Variants in AOPEP observed in about 807,000 individuals in gnomAD.
AOPEP encodes aminopeptidase O.
In AOPEP, 77 loss-of-function variants were observed where a neutral mutation model predicts 98.1. The observed-to-expected ratio is 0.78, with a 90% confidence interval of 0.65 to 0.95. The LOEUF is 0.95. AOPEP is among the 40% of genes least tolerant of loss of function. The pLI, the probability that AOPEP is intolerant of heterozygous loss-of-function variation, is 0.00. For synonymous variants in AOPEP, 346 were observed against 365.3 expected (o/e 0.95, Z 0.60); for missense variants, 1,024 against 1,024.7 (o/e 1.00, Z 0.01).
At chr9:94,995,995 C>T (rs1198532203) in intron 11 of AOPEP, among the ~76,000 whole-genome samples, 1 of 151,308 alleles carries the variant, frequency 6.6e-6, no homozygotes, top group African/African-American at 2.4e-5. Context: ...AGTTCACATT[C>T]CCCGGCTCCC....
At chr9:95,019,496 C>T (rs2063289104) in intron 13 of AOPEP, 1 of 152,036 alleles carries the variant, frequency 6.6e-6, no homozygotes, top group Admixed American at 6.5e-5. Flanking sequence ...TTTGCAAATA[C>T]CCAGCTAATG....
chr9:94,913,300 T>C (rs548270643), intron 5 of AOPEP, among the ~76,000 whole-genome samples: 1 of 152,222 alleles, frequency 6.6e-6, no homozygotes. Context: ...GGAGAGACTT[T>C]GGAGAGACTT....
the AOPEP span, among the ~76,000 whole-genome samples, chr9:95,139,615 C>T: frequency 2.0e-5 from 3 of 151,940 alleles, no homozygotes; most frequent in East Asian, 1.9e-4. Flanking sequence ...ATTTAAGACA[C>T]GCTGGTTAAA....
At chr9:95,095,295 C>T in the AOPEP span, among the ~76,000 whole-genome samples, 4 of 152,168 alleles carry the variant, frequency 2.6e-5, no homozygotes, top group African/African-American at 4.8e-5. Context: ...CGCACTCTGT[C>T]ATCAGCATGG....
At chr9:94,934,301 C>T (rs1055574415) in intron 7 of AOPEP, among the ~76,000 whole-genome samples, 27 of 145,686 alleles carry the variant, frequency 1.9e-4, no homozygotes, top group African/African-American at 5.4e-5. Context: ...TGACTATGCT[C>T]ACACTTCTCC....
At chr9:94,959,833 T>G (rs1056147821) in intron 9 of AOPEP, among the ~76,000 whole-genome samples, 7 of 152,190 alleles carry the variant, frequency 4.6e-5, no homozygotes, top group African/African-American at 1.4e-4. Context: ...TATACAGACA[T>G]TGATGTCACT....
the AOPEP span, chr9:95,126,525 T>C: frequency 6.2e-7 from 1 of 1,613,784 alleles, no homozygotes; most frequent in Non-Finnish European, 8.5e-7. Context: ...AGTGTAACGT[T>C]TACCTGAACA....
the AOPEP span, chr9:95,099,833 A>G: frequency 2.6e-5 from 6 of 232,914 alleles, no homozygotes; most frequent in East Asian, 3.6e-4. Context: ...GCTAGGAAGA[A>G]GTCTTCCAGA....
chr9:95,004,268 T>A (rs3208472), intron 11 of AOPEP: 1 of 456,380 alleles, frequency 2.2e-6, no homozygotes, highest in Non-Finnish European at 4.4e-6. Flanking sequence ...AATCTTGGGG[T>A]ATCGCACATT....
intron 13 of AOPEP, among the ~76,000 whole-genome samples, chr9:95,034,309 A>C (rs1264502592): frequency 6.6e-6 from 1 of 152,238 alleles, no homozygotes. Flanking sequence ...GACAAGGGAA[A>C]ATAGACCCAG....
intron 13 of AOPEP, chr9:95,006,183 C>T (rs778206070): frequency 1.6e-5 from 7 of 444,376 alleles, no homozygotes; most frequent in Non-Finnish European, 3.3e-5. Flanking sequence ...TGTATTAAAA[C>T]TTGATTTGTC....
Position 95,031,018 on chromosome 9 carries a change from C to T in AOPEP, c.2115+25402C>T, listed in dbSNP as rs115874376. On this transcript the variant is annotated intron_variant, in intron 13 of 16. Transcript: ENST00000375315. ...ATACTTTGCCTCCTCTCTAGTATTT[C>T]CACTATGTTGTCTGGCCTGGCTGGC... 1.9e-3 allele frequency among the ~76,000 whole-genome samples: 284 copies of T among 152,318 alleles called. 2 individuals are homozygous for T. Among genetic ancestry groups the T allele is most frequent in the African/African-American group, 6.4e-3 (267 of 41,570 alleles).
At chr9:95,088,126 T>G (rs138137233), downstream of AOPEP, among the ~76,000 whole-genome samples, 2 of 152,214 alleles carry the variant, frequency 1.3e-5, no homozygotes, top group Non-Finnish European at 2.9e-5. Flanking sequence ...TTGACTGTTA[T>G]GTTTGAATAA....
chr9:95,101,949 G>A, the AOPEP span: 4 of 1,353,428 alleles, frequency 3.0e-6, no homozygotes, highest in East Asian at 2.3e-5. Context: ...CCTGAAAGAA[G>A]CCCTATCCAG....
chr9:94,813,270 C>T (rs1851011335), intron 5 of AOPEP, among the ~76,000 whole-genome samples: 1 of 152,098 alleles, frequency 6.6e-6, no homozygotes, highest in Non-Finnish European at 1.5e-5. Context: ...TCTCTCTGGA[C>T]CTGATAATCT....
At chr9:94,963,290 C>T (rs560365807) in intron 9 of AOPEP, among the ~76,000 whole-genome samples, 4 of 152,256 alleles carry the variant, frequency 2.6e-5, no homozygotes, top group African/African-American at 9.6e-5. Flanking sequence ...GTAGAATCTA[C>T]ATGTACCTGC....
intron 7 of AOPEP, among the ~76,000 whole-genome samples, chr9:94,940,333 C>G (rs1029290041): frequency 6.6e-6 from 1 of 152,148 alleles, no homozygotes; most frequent in African/African-American, 2.4e-5. Context: ...GGGCCAGGTG[C>G]GGTGGCTCAT....
intron 13 of AOPEP, among the ~76,000 whole-genome samples, chr9:95,037,057 A>G (rs1188871382): frequency 4.6e-5 from 7 of 152,238 alleles, no homozygotes. Flanking sequence ...CCACAGATGT[A>G]TGAGCTGTCT....
intron 5 of AOPEP, among the ~76,000 whole-genome samples, chr9:94,813,792 G>A (rs1220510510): frequency 2.0e-5 from 3 of 152,222 alleles, no homozygotes; most frequent in Non-Finnish European, 4.4e-5. Flanking sequence ...TGGAGCATGA[G>A]CAAGGGCAAG....
Sources: gnomAD v4.1 joint callset for allele counts (sites outside exome capture counted in the v4.1 genomes callset) on GRCh38, gnomAD v4.1.1 for gene constraint, MANE v1.5 for transcripts, NCBI Gene and HGNC (gene_info 2026-07-23, HGNC 2026-07-21) for gene names.